Variants in ANGPT1 observed in about 807,000 individuals in gnomAD.
ANGPT1 encodes the protein angiopoietin 1, also known as angiopoietin-1.
Under a neutral mutation model 62.2 loss-of-function variants are expected in ANGPT1, and 17 were observed. That is an observed-to-expected ratio of 0.27 (90% CI 0.19 to 0.41). The LOEUF is 0.41. Ranked by LOEUF, ANGPT1 falls within the 10% of genes least tolerant of loss-of-function variation. The probability of loss-of-function intolerance (pLI) is 1.00; values close to 1 mark genes in which losing one functional copy is unlikely to be tolerated. For missense variants in ANGPT1, 478 were observed against 594.9 expected (o/e 0.80, Z 2.04); for synonymous variants, 199 against 198.9 (o/e 1.00, Z 0.00).
chr8:107,469,989 G>T (rs1198499459), intron 1 of ANGPT1, among the ~76,000 whole-genome samples: 2 of 151,954 alleles, frequency 1.3e-5, no homozygotes, highest in Non-Finnish European at 2.9e-5. Context: ...CTCTATGTAG[G>T]TTTAAAATGA....
chr8:107,277,186 A>G (rs1366022347), intron 7 of ANGPT1, among the ~76,000 whole-genome samples: 1 of 152,178 alleles, frequency 6.6e-6, no homozygotes, highest in Non-Finnish European at 1.5e-5. Flanking sequence ...CATCTGTGAC[A>G]GAGGATTTAC....
At position 107,313,429 on chromosome 8, in the gene ANGPT1, GTTTTTTTTTTTTTT is replaced by G. The variant is rs71308720; in HGVS notation, c.808+8453_808+8466del. ...TAGGAAGCTAAAAATGTTACTAGTTGTTTTTTTTTTTTTTTTTTTTTTTTTTTTGAGACAGAGTC... is the reference window on the plus strand; with the variant it reads ...TAGGAAGCTAAAAATGTTACTAGTTGTTTTTTTTTTTTTTGAGACAGAGTC... On this transcript the variant is annotated intron_variant, in intron 4 of 8. Transcript: ENST00000517746. Among the ~76,000 whole-genome samples, 36 of 64,200 alleles carry G rather than the reference GTTTTTTTTTTTTTT, an allele frequency of 5.6e-4. 1 individual carries two copies. In the South Asian group the frequency reaches 0.018, roughly 31 times the overall value. The allele number at this position is 64,200 out of a possible 152,430, so 42.1% of individuals were successfully genotyped here. A position where few individuals can be genotyped will look rare whatever the true frequency, so the allele number is the denominator to read the frequency against.
At chr8:107,438,314 T>G (rs1021001371) in intron 1 of ANGPT1, among the ~76,000 whole-genome samples, 3 of 152,160 alleles carry the variant, frequency 2.0e-5, no homozygotes, top group African/African-American at 7.2e-5. Context: ...CTTCTTCTTC[T>G]TTGTCACCTC....
intron 1 of ANGPT1, among the ~76,000 whole-genome samples, chr8:107,429,347 C>T (rs1170404500): frequency 6.6e-6 from 1 of 152,164 alleles, no homozygotes; most frequent in Non-Finnish European, 1.5e-5. Flanking sequence ...ACCATCTCAC[C>T]ACTTAACAGT....
chr8:107,473,617 G>C (rs1812423220), intron 1 of ANGPT1, among the ~76,000 whole-genome samples: 1 of 151,914 alleles, frequency 6.6e-6, no homozygotes, highest in Admixed American at 6.6e-5. Context: ...TTTTTCAGTA[G>C]GATTCACTCA....
chr8:107,347,208 G>A, intron 1 of ANGPT1, 111 bp from the exon 2 acceptor site: 1 of 1,108,616 alleles, frequency 9.0e-7, no homozygotes, highest in Non-Finnish European at 1.3e-6. Context: ...CAGCCATCTG[G>A]CGGGGATCCT....
At chr8:107,324,074 C>T (rs1024826601) in intron 3 of ANGPT1, among the ~76,000 whole-genome samples, 6 of 151,126 alleles carry the variant, frequency 4.0e-5, no homozygotes, top group Non-Finnish European at 5.9e-5. Context: ...CCACTGTGCC[C>T]GGCCAGTGTC....
intron 1 of ANGPT1, among the ~76,000 whole-genome samples, chr8:107,429,072 C>A (rs374460293): frequency 1.4e-4 from 22 of 152,172 alleles, no homozygotes; most frequent in South Asian, 8.3e-4. Flanking sequence ...AACAAACAAG[C>A]GACAATCAAT....
At position 107,457,318 on chromosome 8, in the gene ANGPT1, A is replaced by G. The variant is rs544757493; in HGVS notation, c.297+39944T>C. Among the ~76,000 whole-genome samples the G allele has an allele frequency of 1.3e-3, 197 of 152,266 alleles. 1 individual carries two copies. Among genetic ancestry groups the G allele is most frequent in the Non-Finnish European group, 2.4e-3 (163 of 67,998 alleles). On this transcript the variant is annotated intron_variant, in intron 1 of 8. Coordinates refer to ENST00000517746, the MANE Select transcript of ANGPT1 (RefSeq NM_001146.5). Reference sequence around the variant, plus strand: ...ATGAATGTCTTCCTGTCATTTGGAAATAATAATAACCAGTTTAATAATGAT... The same window carrying G: ...ATGAATGTCTTCCTGTCATTTGGAAGTAATAATAACCAGTTTAATAATGAT...
intron 2 of ANGPT1, among the ~76,000 whole-genome samples, chr8:107,344,868 G>A (rs10108610): frequency 0.22 from 33,212 of 152,040 alleles, 4,291 homozygotes; most frequent in African/African-American, 0.35. Flanking sequence ...GGAGGTTAAG[G>A]AATAATTCAG....
In ANGPT1 at chr8:107,339,675, G is replaced by A. The variant is rs559295387; in HGVS notation, c.454-3404C>T. Among the ~76,000 whole-genome samples, 3 of 152,280 alleles carry A rather than the reference G, an allele frequency of 2.0e-5. No homozygotes were observed. In the East Asian group the frequency reaches 5.8e-4, roughly 29 times the overall value. On this transcript the variant is annotated intron_variant, in intron 2 of 8. Coordinates refer to ENST00000517746, the MANE Select transcript of ANGPT1 (RefSeq NM_001146.5). ...CTAGAATGTCAGCTGCACAGAGGCA[G>A]GAAGGCTCATCTGGAGTCCTCTAAG...
intron 1 of ANGPT1, among the ~76,000 whole-genome samples, chr8:107,404,918 T>C (rs867555445): frequency 1.3e-5 from 2 of 152,064 alleles, no homozygotes; most frequent in African/African-American, 2.4e-5. Flanking sequence ...CTGTGAATAG[T>C]AGTGACATTG....
chr8:107,383,741 G>T (rs1317878339), intron 1 of ANGPT1, among the ~76,000 whole-genome samples: 1 of 152,096 alleles, frequency 6.6e-6, no homozygotes, highest in African/African-American at 2.4e-5. Flanking sequence ...ATATATGAAA[G>T]GTTGAAAGAT....
intron 1 of ANGPT1, among the ~76,000 whole-genome samples, chr8:107,422,439 T>C (rs186641463): frequency 2.0e-5 from 3 of 152,322 alleles, no homozygotes; most frequent in East Asian, 3.9e-4. Context: ...AGAATAACTT[T>C]CACAAAAACA....
chr8:107,335,360 G>A (rs751154394), intron 3 of ANGPT1, among the ~76,000 whole-genome samples: 1 of 152,208 alleles, frequency 6.6e-6, no homozygotes, highest in Non-Finnish European at 1.5e-5. Flanking sequence ...CATAGGAACT[G>A]AACCTTCTTC....
At chr8:107,372,022 A>C (rs1182351555) in intron 1 of ANGPT1, among the ~76,000 whole-genome samples, 1 of 152,126 alleles carries the variant, frequency 6.6e-6, no homozygotes, top group Non-Finnish European at 1.5e-5. Context: ...TATGGACCAA[A>C]AGTGAAATTA....
chr8:107,255,883 A>G (rs1023874079), intron 8 of ANGPT1, among the ~76,000 whole-genome samples: 1 of 152,234 alleles, frequency 6.6e-6, no homozygotes, highest in Admixed American at 6.5e-5. Context: ...GGAGCATCAC[A>G]GTAATTTAAT....
At chr8:107,261,250 A>C (rs558786743) in intron 8 of ANGPT1, among the ~76,000 whole-genome samples, 1 of 142,010 alleles carries the variant, frequency 7.0e-6, no homozygotes, top group East Asian at 2.0e-4. Context: ...GAAAAAGCTC[A>C]AGACCTACCT....
intron 1 of ANGPT1, among the ~76,000 whole-genome samples, chr8:107,419,190 T>C (rs1290271920): frequency 6.6e-6 from 1 of 152,094 alleles, no homozygotes; most frequent in Non-Finnish European, 1.5e-5. Context: ...TTGATAGGGT[T>C]CAAAACACAG....
Sources: gnomAD v4.1 joint callset for allele counts (sites outside exome capture counted in the v4.1 genomes callset) on GRCh38, gnomAD v4.1.1 for gene constraint, MANE v1.5 for transcripts, NCBI Gene and HGNC (gene_info 2026-07-23, HGNC 2026-07-21) for gene names.